The following NME7 variants were observed in gnomAD, a reference collection of about 807,000 sequenced individuals.
The protein encoded by NME7 is nucleoside diphosphate kinase 7.
Under a neutral mutation model 49.1 loss-of-function variants are expected in NME7, and 41 were observed. The ratio of observed to expected loss-of-function variants is 0.83; its 90% CI spans 0.65 to 1.08. The LOEUF is 1.08. Among genes scored for constraint, NME7 ranks in the 50% least tolerant of loss-of-function variants. The pLI, the probability that NME7 is intolerant of heterozygous loss-of-function variation, is 0.00. For missense variants in NME7, 423 were observed against 463.4 expected (o/e 0.91, Z 0.80); for synonymous variants, 139 against 150.6 (o/e 0.92, Z 0.56).
intron 1 of NME7, among the ~76,000 whole-genome samples, chr1:169,348,786 A>G (rs1162785643): frequency 3.3e-5 from 5 of 152,096 alleles, no homozygotes; most frequent in African/African-American, 9.7e-5. Flanking sequence ...CAAAATATGA[A>G]TTATGAATTC....
intron 10 of NME7, among the ~76,000 whole-genome samples, chr1:169,173,476 A>C (rs1310099585): frequency 1.3e-5 from 2 of 152,102 alleles, no homozygotes; most frequent in African/African-American, 4.8e-5. Flanking sequence ...ATAACAATGA[A>C]ACTTAAAGAT....
intron 10 of NME7, among the ~76,000 whole-genome samples, chr1:169,178,737 C>G (rs921085035): frequency 6.6e-6 from 1 of 151,752 alleles, no homozygotes; most frequent in African/African-American, 2.4e-5. Flanking sequence ...TTTTTGCTAT[C>G]TGGTTTTCAG....
chr1:169,162,182 C>G (rs1318484279), intron 11 of NME7, among the ~76,000 whole-genome samples: 3 of 152,164 alleles, frequency 2.0e-5, no homozygotes, highest in Admixed American at 2.0e-4. Context: ...TTTGGGGAGA[C>G]TGATTTGAGT....
At chr1:169,190,668 G>C in intron 10 of NME7, 1 of 445,524 alleles carries the variant, frequency 2.2e-6, no homozygotes, top group Middle Eastern at 3.3e-4. Flanking sequence ...TCTTTAGTTT[G>C]CCTAAATTCA....
intron 1 of NME7, among the ~76,000 whole-genome samples, chr1:169,342,854 T>TATAC (rs34714244): frequency 4.2e-5 from 3 of 71,166 alleles, no homozygotes; most frequent in Non-Finnish European, 5.6e-5. Flanking sequence ...ATATAGTATA[T>TATAC]ATATATACAA....
intron 1 of NME7, among the ~76,000 whole-genome samples, chr1:169,354,996 AAT>A: frequency 2.2e-5 from 1 of 45,804 alleles, no homozygotes; most frequent in African/African-American, 5.8e-5. Context: ...TATATAATAT[AAT>A]TATATATGTT....
At chr1:169,184,130 C>T (rs913389501) in intron 10 of NME7, among the ~76,000 whole-genome samples, 1 of 151,762 alleles carries the variant, frequency 6.6e-6, no homozygotes, top group Non-Finnish European at 1.5e-5. Context: ...TTGAAACACA[C>T]TTACATTGTT....
intron 7 of NME7, among the ~76,000 whole-genome samples, chr1:169,240,088 T>C (rs1648015947): frequency 6.6e-6 from 1 of 152,088 alleles, no homozygotes; most frequent in Admixed American, 6.6e-5. Context: ...TTATTCTCCT[T>C]TACTTGACAA....
intron 4 of NME7, among the ~76,000 whole-genome samples, chr1:169,305,090 C>G (rs1272141925): frequency 6.6e-6 from 1 of 152,150 alleles, no homozygotes; most frequent in South Asian, 2.1e-4. Context: ...TTGTTTTCAT[C>G]CAACATGTCC....
At chr1:169,155,760 T>A (rs1003507041) in intron 11 of NME7, among the ~76,000 whole-genome samples, 1 of 128,476 alleles carries the variant, frequency 7.8e-6, no homozygotes, top group Non-Finnish European at 1.7e-5. Flanking sequence ...TATTACTGTT[T>A]AGTTTTTTTT....
intron 11 of NME7, among the ~76,000 whole-genome samples, chr1:169,142,942 C>T (rs915720739): frequency 6.6e-6 from 1 of 152,180 alleles, no homozygotes; most frequent in African/African-American, 2.4e-5. Flanking sequence ...TTGAGAATTA[C>T]AAGTTCAGCC....
intron 1 of NME7, among the ~76,000 whole-genome samples, chr1:169,335,245 A>G (rs1183981290): frequency 1.3e-5 from 2 of 152,238 alleles, no homozygotes; most frequent in Non-Finnish European, 2.9e-5. Context: ...TCTACTATAA[A>G]GACACATGCA....
chr1:169,223,299 A>G (rs1329030485), intron 10 of NME7, among the ~76,000 whole-genome samples: 1 of 151,758 alleles, frequency 6.6e-6, no homozygotes, highest in Non-Finnish European at 1.5e-5. Context: ...ACATTTTTTT[A>G]ATATTTCTTA....
At chr1:169,328,653 T>A (rs1571393325) in intron 1 of NME7, among the ~76,000 whole-genome samples, 1 of 152,326 alleles carries the variant, frequency 6.6e-6, no homozygotes, top group East Asian at 1.9e-4. Context: ...CATATAATAC[T>A]AGGTAAATTT....
chr1:169,284,099 T>C (rs887340659), intron 7 of NME7: 1 of 152,184 alleles, frequency 6.6e-6, no homozygotes. Flanking sequence ...AAACGCAGAT[T>C]TGTCTTTTCA....
At chr1:169,189,823 A>C (rs1571277286) in intron 10 of NME7, among the ~76,000 whole-genome samples, 1 of 152,306 alleles carries the variant, frequency 6.6e-6, no homozygotes. Context: ...CTATAACAGA[A>C]CTATGGCAGT....
At chr1:169,352,412 T>C (rs760847022) in intron 1 of NME7, among the ~76,000 whole-genome samples, 1 of 152,014 alleles carries the variant, frequency 6.6e-6, no homozygotes, top group Admixed American at 6.6e-5. Flanking sequence ...AAATTGGATA[T>C]AGAAGGAACA....
intron 7 of NME7, among the ~76,000 whole-genome samples, chr1:169,247,540 G>T (rs1356972885): frequency 6.6e-6 from 1 of 152,108 alleles, no homozygotes; most frequent in African/African-American, 2.4e-5. Context: ...TCACACGGAT[G>T]AATTATATAG....
chr1:169,220,572 T>G (rs78292488), intron 10 of NME7, among the ~76,000 whole-genome samples: 1 of 152,198 alleles, frequency 6.6e-6, no homozygotes, highest in Non-Finnish European at 1.5e-5. Context: ...GATCATTTTC[T>G]CCAGGATTAT....
Sources: allele counts gnomAD v4.1 joint callset (sites outside exome capture counted in the v4.1 genomes callset), GRCh38; gene constraint gnomAD v4.1.1; transcripts MANE v1.5; gene names NCBI Gene and HGNC (gene_info 2026-07-23, HGNC 2026-07-21).